CNTNAP3: variants seen among roughly 807,000 people sequenced by gnomAD.
The protein encoded by CNTNAP3 is contactin associated protein family member 3.
A neutral mutation model predicts 92.1 loss-of-function variants in CNTNAP3; 36 were observed. The ratio of observed to expected loss-of-function variants is 0.39; its 90% CI spans 0.30 to 0.52. The LOEUF (loss-of-function observed/expected upper bound fraction) is 0.52, where lower values mean the gene tolerates loss of function less well. CNTNAP3 is among the 20% of genes least tolerant of loss of function. CNTNAP3 has a pLI of 0.76. For synonymous variants in CNTNAP3, 232 were observed against 422.3 expected, an observed-to-expected ratio of 0.55 and a Z score of 5.53; for missense variants, 534 against 1,069.6, an observed-to-expected ratio of 0.50 and a Z score of 6.98.
intron 13 of CNTNAP3, among the ~76,000 whole-genome samples, chr9:39,120,971 A>G (rs1821006017): frequency 6.6e-6 from 1 of 152,172 alleles, no homozygotes; most frequent in African/African-American, 2.4e-5. Context: ...CCAAATAGAC[A>G]TAAGGATTAC....
intron 14 of CNTNAP3, among the ~76,000 whole-genome samples, chr9:39,117,402 A>C (rs1018840201): frequency 3.9e-5 from 6 of 152,152 alleles, no homozygotes; most frequent in Non-Finnish European, 8.8e-5. Context: ...ATTACAAATA[A>C]AAAAAAGAAA....
intron 21 of CNTNAP3, among the ~76,000 whole-genome samples, chr9:39,080,660 C>CTTTT (rs774669701): frequency 2.1e-4 from 19 of 91,076 alleles, no homozygotes; most frequent in East Asian, 4.1e-4. Context: ...TAGGGCAGAC[C>CTTTT]TTTTTTTTTT....
intron 14 of CNTNAP3, 157 bp downstream of exon 14, chr9:39,117,946 T>C (rs760228578): frequency 1.5e-4 from 198 of 1,358,214 alleles, no homozygotes; most frequent in Admixed American, 4.2e-4. Flanking sequence ...ATTTAATCCT[T>C]AGATTAACTG....
At chr9:39,111,024 T>C (rs1210896766) in intron 14 of CNTNAP3, among the ~76,000 whole-genome samples, 1 of 152,152 alleles carries the variant, frequency 6.6e-6, no homozygotes, top group Non-Finnish European at 1.5e-5. Flanking sequence ...ATTTTCAAAA[T>C]AAGGCTTTCT....
At chr9:39,083,845 T>C (rs907296863) in intron 21 of CNTNAP3, among the ~76,000 whole-genome samples, 1 of 151,740 alleles carries the variant, frequency 6.6e-6, no homozygotes, top group African/African-American at 2.4e-5. Context: ...TATAGAAAAT[T>C]CAAAATCTAA....
chr9:39,112,951 C>T (rs1693118), intron 14 of CNTNAP3, among the ~76,000 whole-genome samples: 1 of 152,146 alleles, frequency 6.6e-6, no homozygotes, highest in Non-Finnish European at 1.5e-5. Context: ...ACAAGTAAAA[C>T]CACTTGGCAT....
intron 15 of CNTNAP3, 136 bp from the exon 16 acceptor site, chr9:39,104,050 C>T: frequency 2.1e-6 from 3 of 1,398,536 alleles, no homozygotes; most frequent in Admixed American, 2.6e-5. Flanking sequence ...GGGTTCTGAG[C>T]ATCCATGTCA....
At chr9:39,090,553 C>A (rs1257313929) in intron 18 of CNTNAP3, among the ~76,000 whole-genome samples, 1 of 152,310 alleles carries the variant, frequency 6.6e-6, no homozygotes, top group African/African-American at 2.4e-5. Flanking sequence ...TCTATCTGGA[C>A]TTTCAATTTT....
chr9:39,111,004 A>G (rs1466835652), intron 14 of CNTNAP3, among the ~76,000 whole-genome samples: 1 of 152,174 alleles, frequency 6.6e-6, no homozygotes, highest in Non-Finnish European at 1.5e-5. Context: ...CATCATTGCA[A>G]CACTTTTGTA....
chr9:39,112,539 T>C (rs1018673616), intron 14 of CNTNAP3, among the ~76,000 whole-genome samples: 7 of 152,116 alleles, frequency 4.6e-5, no homozygotes, highest in East Asian at 1.9e-4. Context: ...CTAATTTTTG[T>C]ATTTTTAGTA....
rs1378459400 is a variant in CNTNAP3 at position 39,067,977 on chromosome 9, T to G, written c.*5913A>C. Among the ~76,000 whole-genome samples the G allele has an allele frequency of 6.6e-6, 1 of 152,310 alleles. No individual in the cohort carries two copies. The highest frequency in any genetic ancestry group is 6.5e-5 in the Admixed American group (1 of 15,294). ...ACATGCACTCTCAGTGAGAGTAATA[T>G]TGTCCCCAAAACGACAGAAATTAGT... On this transcript the variant is annotated 3_prime_UTR_variant, in exon 24 of 24. Coordinates refer to ENST00000297668, the MANE Select transcript of CNTNAP3 (RefSeq NM_033655.5).
chr9:39,151,351 G>A (rs1300143832), intron 9 of CNTNAP3, among the ~76,000 whole-genome samples: 2 of 147,070 alleles, frequency 1.4e-5, no homozygotes, highest in South Asian at 2.2e-4. Context: ...TCAGGAGATC[G>A]AGACCATCCT....
Position 39,088,748 on chromosome 9 carries a change from G to A in CNTNAP3, c.2996-101C>T, listed in dbSNP as rs144416068. ...ATGAGACCAAACCTTAAATATCCTG[G>A]GAGATAAAGTAATAGTGAAATCCTT... On this transcript the variant is annotated intron_variant, in intron 18 of 23. Transcript: ENST00000297668. The A allele has an allele frequency of 4.2e-3, 4,428 of 1,046,858 alleles. 3 individuals carry two copies. In the African/African-American group the frequency reaches 0.058, roughly 14 times the overall value. 64.8% of individuals were successfully genotyped at this position (1,046,858 alleles called of 1,614,324 possible). A position where few individuals can be genotyped will look rare whatever the true frequency, so the allele number is the denominator to read the frequency against.
chr9:39,116,815 A>G (rs1164829438), intron 14 of CNTNAP3, among the ~76,000 whole-genome samples: 16 of 152,210 alleles, frequency 1.1e-4, no homozygotes, highest in Admixed American at 9.2e-4. Context: ...CCAACTTCAC[A>G]ATATTTTTTA....
chr9:39,129,656 T>C lies in CNTNAP3; in HGVS notation c.2080+3276A>G, dbSNP rs899045423. 3.1e-4 allele frequency among the ~76,000 whole-genome samples: 47 copies of C among 152,254 alleles called. 1 individual carries two copies. The highest frequency in any genetic ancestry group is 1.0e-3 in the African/African-American group (42 of 41,536). Reference sequence around the variant, plus strand: ...CTGAATCTCATCAAAATTAAAACTTTTGCTCTAAAAAATTCCAGTTAAGAG... The same window carrying C: ...CTGAATCTCATCAAAATTAAAACTTCTGCTCTAAAAAATTCCAGTTAAGAG... On this transcript the variant is annotated intron_variant, in intron 13 of 23. Coordinates refer to ENST00000297668, the MANE Select transcript of CNTNAP3 (RefSeq NM_033655.5).
intron 12 of CNTNAP3, among the ~76,000 whole-genome samples, chr9:39,135,394 T>G (rs1158710337): frequency 2.6e-5 from 4 of 151,988 alleles, no homozygotes; most frequent in Non-Finnish European, 4.4e-5. Flanking sequence ...CCTGAGTAGA[T>G]TAATTATAAC....
chr9:39,118,703 C>T (rs1820929913), intron 13 of CNTNAP3, among the ~76,000 whole-genome samples: 1 of 152,202 alleles, frequency 6.6e-6, no homozygotes, highest in African/African-American at 2.4e-5. Flanking sequence ...GTATATTACA[C>T]ATTTGGAAAG....
intron 13 of CNTNAP3, among the ~76,000 whole-genome samples, chr9:39,130,392 GTACATAC>G (rs1450681258): frequency 6.7e-6 from 1 of 149,774 alleles, no homozygotes; most frequent in Non-Finnish European, 1.5e-5. Flanking sequence ...ACCACAAAGA[GTACATAC>G]TATATAATTT....
intron 14 of CNTNAP3, among the ~76,000 whole-genome samples, chr9:39,113,853 ATAT>A (rs1820777558): frequency 6.6e-6 from 1 of 151,278 alleles, no homozygotes; most frequent in African/African-American, 2.4e-5. Context: ...GTTAATTATA[ATAT>A]TAAAATATTC....
Sources: gnomAD v4.1 joint callset for allele counts (sites outside exome capture counted in the v4.1 genomes callset) on GRCh38, gnomAD v4.1.1 for gene constraint, MANE v1.5 for transcripts, NCBI Gene and HGNC (gene_info 2026-07-23, HGNC 2026-07-21) for gene names.